The following ADGRL3 variants were observed in gnomAD, a reference collection of about 807,000 sequenced individuals.
ADGRL3 encodes the protein calcium-independent alpha-latrotoxin receptor 3.
Under a neutral mutation model 153.5 loss-of-function variants are expected in ADGRL3, and 62 were observed. The ratio of observed to expected loss-of-function variants is 0.40; its 90% CI spans 0.33 to 0.50. ADGRL3 has a LOEUF of 0.50. ADGRL3 is among the 20% of genes least tolerant of loss of function. The pLI is 0.47. For synonymous variants in ADGRL3, 710 were observed against 672.5 expected (o/e 1.06, Z -0.86); for missense variants, 1,641 against 1,859.4 (o/e 0.88, Z 2.16).
intron 4 of ADGRL3, among the ~76,000 whole-genome samples, chr4:61,531,949 G>A (rs1579370329): frequency 6.6e-6 from 1 of 152,068 alleles, no homozygotes; most frequent in East Asian, 1.9e-4. Flanking sequence ...AAATGAAGGT[G>A]GTGTGTTCTA....
At chr4:61,712,260 G>T (rs1252225541) in intron 6 of ADGRL3, among the ~76,000 whole-genome samples, 5 of 152,074 alleles carry the variant, frequency 3.3e-5, no homozygotes, top group Admixed American at 3.3e-4. Context: ...AGGCACAGTA[G>T]TGTATGCCTG....
In ADGRL3 at chr4:61,732,830, G is replaced by C. The variant is rs191915391; in HGVS notation, c.675G>C (p.Ala225=). The C allele has an allele frequency of 4.7e-5, 76 of 1,611,712 alleles. No homozygotes were observed. The highest frequency in any genetic ancestry group is 5.9e-5 in the Non-Finnish European group (70 of 1,178,950). The change falls in exon 8 of 27, where the codon GCG becomes GCC. Residue 225 remains alanine (A), a synonymous_variant. Coordinates refer to ENST00000683033, the MANE Select transcript of ADGRL3 (RefSeq NM_001387552.1). ...HLFESDHQSG[A]WCKDPLQASD... is the part of the protein sequence containing the mutation. ...TTGAGTCCGACCACCAATCTGGGGC[G>C]TGGTGCAAAGACCCTCTGCAGGCAT...
intron 2 of ADGRL3, among the ~76,000 whole-genome samples, chr4:61,441,341 T>C (rs918940063): frequency 3.3e-5 from 5 of 152,192 alleles, no homozygotes; most frequent in African/African-American, 9.6e-5. Flanking sequence ...AAAATAATTA[T>C]AGAGGCCACC....
At chr4:61,413,503 T>C (rs1180998284) in intron 2 of ADGRL3, among the ~76,000 whole-genome samples, 1 of 152,112 alleles carries the variant, frequency 6.6e-6, no homozygotes, top group Non-Finnish European at 1.5e-5. Context: ...TATAACCTAG[T>C]GGAGATGGAA....
chr4:62,057,960 T>C (rs1737971491), intron 25 of ADGRL3, among the ~76,000 whole-genome samples: 1 of 151,840 alleles, frequency 6.6e-6, no homozygotes, highest in Admixed American at 6.6e-5. Context: ...ATTACAGGTG[T>C]GAGACACTAT....
intron 5 of ADGRL3, among the ~76,000 whole-genome samples, chr4:61,624,239 G>A (rs1286555447): frequency 1.3e-5 from 2 of 152,184 alleles, no homozygotes; most frequent in African/African-American, 2.4e-5. Context: ...AGATATGGCT[G>A]TAGAGTGGAT....
At chr4:61,298,322 C>T (rs1313251732) in intron 1 of ADGRL3, among the ~76,000 whole-genome samples, 4 of 152,060 alleles carry the variant, frequency 2.6e-5, no homozygotes, top group Non-Finnish European at 4.4e-5. Context: ...TTCATTTATA[C>T]CATGTTAACC....
At chr4:62,054,735 G>A (rs948011616) in intron 25 of ADGRL3, among the ~76,000 whole-genome samples, 9 of 151,484 alleles carry the variant, frequency 5.9e-5, no homozygotes, top group African/African-American at 1.7e-4. Flanking sequence ...AAAACAAAAT[G>A]CTAGTGCCCA....
At chr4:61,233,452 A>G (rs1356234551) in intron 1 of ADGRL3, among the ~76,000 whole-genome samples, 1 of 152,136 alleles carries the variant, frequency 6.6e-6, no homozygotes, top group Non-Finnish European at 1.5e-5. Context: ...TGTAGGAAAG[A>G]AGAAGAAAAG....
chr4:61,704,763 T>G (rs898636894), intron 6 of ADGRL3, among the ~76,000 whole-genome samples: 1 of 152,214 alleles, frequency 6.6e-6, no homozygotes. Context: ...ACTAAATTTA[T>G]GTAATATTCT....
In ADGRL3 at chr4:62,075,504, A is replaced by C. The variant is rs952121471; in HGVS notation, c.*4596A>C. 1 of 152,208 alleles carries C rather than the reference A, an allele frequency of 6.6e-6. No individual in the cohort carries two copies. Among genetic ancestry groups the C allele is most frequent in the Non-Finnish European group, 1.5e-5 (1 of 68,040 alleles). The allele number at this position is 152,208 out of a possible 1,614,324, so 9.4% of individuals were successfully genotyped here. A position where few individuals can be genotyped will look rare whatever the true frequency, so the allele number is the denominator to read the frequency against. Reference sequence around the variant, plus strand: ...TGGCATGAATATCCTTTCTTCTCTAAGAAAATTTTTGAGATAACAATATAT... The same window carrying C: ...TGGCATGAATATCCTTTCTTCTCTACGAAAATTTTTGAGATAACAATATAT... On this transcript the variant is annotated 3_prime_UTR_variant, in exon 27 of 27. Transcript: ENST00000683033.
intron 6 of ADGRL3, among the ~76,000 whole-genome samples, chr4:61,693,997 G>A (rs1009633659): frequency 2.0e-5 from 3 of 151,978 alleles, no homozygotes; most frequent in African/African-American, 7.3e-5. Context: ...TTGGTGACTT[G>A]TAGAATTCTG....
chr4:61,784,867 C>T (rs955896199), intron 8 of ADGRL3, among the ~76,000 whole-genome samples: 4 of 152,130 alleles, frequency 2.6e-5, no homozygotes, highest in African/African-American at 9.7e-5. Context: ...AAAATGGCTT[C>T]ACTGCTTTCT....
chr4:61,843,319 C>T (rs372188837), intron 9 of ADGRL3, among the ~76,000 whole-genome samples: 1 of 152,136 alleles, frequency 6.6e-6, no homozygotes. Flanking sequence ...GTGTTAGAAC[C>T]TCCTGTTTTT....
At chr4:61,528,745 T>C (rs1373074649) in intron 4 of ADGRL3, among the ~76,000 whole-genome samples, 2 of 152,300 alleles carry the variant, frequency 1.3e-5, no homozygotes, top group Non-Finnish European at 2.9e-5. Context: ...CCACACTTCC[T>C]TAATTTTGTT....
intron 5 of ADGRL3, among the ~76,000 whole-genome samples, chr4:61,608,184 C>G (rs996448861): frequency 1.3e-5 from 2 of 152,208 alleles, no homozygotes; most frequent in African/African-American, 2.4e-5. Context: ...CTCCTACCAG[C>G]TTCCCACATT....
At chr4:61,486,132 G>C (rs2098190760) in intron 2 of ADGRL3, among the ~76,000 whole-genome samples, 1 of 152,008 alleles carries the variant, frequency 6.6e-6, no homozygotes. Context: ...TTTTAGTAGA[G>C]ACGGAGTTTC....
At chr4:61,844,014 T>C (rs1462995959) in intron 9 of ADGRL3, among the ~76,000 whole-genome samples, 1 of 142,936 alleles carries the variant, frequency 7.0e-6, no homozygotes, top group East Asian at 2.0e-4. Context: ...AGCAAAACCC[T>C]GTCTTGAAAA....
At chr4:61,333,318 T>C (rs1339868232) in intron 1 of ADGRL3, among the ~76,000 whole-genome samples, 3 of 152,158 alleles carry the variant, frequency 2.0e-5, no homozygotes, top group African/African-American at 7.2e-5. Context: ...ATTGGAACTC[T>C]GGAATCCTTA....
Sources: gnomAD v4.1 joint callset for allele counts (sites outside exome capture counted in the v4.1 genomes callset) on GRCh38, gnomAD v4.1.1 for gene constraint, MANE v1.5 for transcripts, NCBI Gene and HGNC (gene_info 2026-07-23, HGNC 2026-07-21) for gene names.